SV2C: variants seen among roughly 807,000 people sequenced by gnomAD.
The protein encoded by SV2C is synaptic vesicle glycoprotein 2C.
A neutral mutation model predicts 79.7 loss-of-function variants in SV2C; 49 were observed. The ratio of observed to expected loss-of-function variants is 0.61; its 90% CI spans 0.49 to 0.78. SV2C has a LOEUF of 0.78. Ranked by LOEUF, SV2C falls within the 30% of genes least tolerant of loss-of-function variation. The pLI is 0.00. For synonymous variants in SV2C, 334 were observed against 333.2 expected (o/e 1.00, Z -0.03); for missense variants, 833 against 912.9 (o/e 0.91, Z 1.13).
At chr5:75,921,211 C>T in the SV2C span, 68 of 1,105,414 alleles carry the variant, frequency 6.2e-5, no homozygotes, top group South Asian at 4.6e-4. Flanking sequence ...GGCCAGCAGC[C>T]GAGATGTGGT....
At chr5:75,949,581 C>T in the SV2C span, among the ~76,000 whole-genome samples, 2 of 151,970 alleles carry the variant, frequency 1.3e-5, no homozygotes, top group Admixed American at 6.6e-5. Context: ...GGAAGTTCCC[C>T]CATACTGTTC....
chr5:76,257,208 T>C (rs1023320239), intron 4 of SV2C, among the ~76,000 whole-genome samples: 2 of 152,122 alleles, frequency 1.3e-5, no homozygotes, highest in African/African-American at 4.8e-5. Flanking sequence ...TTTATACTTA[T>C]TGTTGTCACT....
the SV2C span, among the ~76,000 whole-genome samples, chr5:75,957,595 T>C: frequency 1.3e-5 from 2 of 152,024 alleles, no homozygotes; most frequent in Admixed American, 1.3e-4. Context: ...ACAAAGTAAA[T>C]CCAAACTTTC....
the SV2C span, among the ~76,000 whole-genome samples, chr5:75,872,593 A>G: frequency 6.8e-4 from 104 of 152,338 alleles, 2 homozygotes; most frequent in East Asian, 0.016. Context: ...CATATTTTAT[A>G]CAAGTATTGG....
chr5:76,143,713 C>T (rs1312243837), intron 2 of SV2C, among the ~76,000 whole-genome samples: 5 of 152,206 alleles, frequency 3.3e-5, no homozygotes, highest in African/African-American at 1.2e-4. Flanking sequence ...TGCTGGCTTT[C>T]TGCCTTCCTA....
At chr5:75,861,723 C>G in the SV2C span, among the ~76,000 whole-genome samples, 1 of 152,092 alleles carries the variant, frequency 6.6e-6, no homozygotes, top group Non-Finnish European at 1.5e-5. Context: ...GAACAGAAAA[C>G]CAAATACTGC....
chr5:75,968,991 A>G, the SV2C span, among the ~76,000 whole-genome samples: 20 of 152,344 alleles, frequency 1.3e-4, no homozygotes, highest in East Asian at 2.3e-3. Flanking sequence ...CAGAAACTCT[A>G]CAAGCCAGAA....
At chr5:76,275,207 G>A (rs1746986580) in intron 4 of SV2C, among the ~76,000 whole-genome samples, 1 of 152,144 alleles carries the variant, frequency 6.6e-6, no homozygotes, top group Non-Finnish European at 1.5e-5. Flanking sequence ...AGATCAGTAG[G>A]CCAGGTGCAG....
chr5:75,939,608 T>C, the SV2C span, among the ~76,000 whole-genome samples: 1 of 152,200 alleles, frequency 6.6e-6, no homozygotes. Context: ...TTCAAGGTTG[T>C]GCATTTCCTT....
the SV2C span, among the ~76,000 whole-genome samples, chr5:76,002,285 T>G: frequency 6.6e-6 from 1 of 152,172 alleles, no homozygotes; most frequent in African/African-American, 2.4e-5. Flanking sequence ...TGTGTGTGCA[T>G]GTGTCTTTTT....
the SV2C span, among the ~76,000 whole-genome samples, chr5:75,982,905 CT>C: frequency 6.6e-6 from 1 of 152,110 alleles, no homozygotes; most frequent in Non-Finnish European, 1.5e-5. Flanking sequence ...TAAGTGGGAG[CT>C]GAATGATGAG....
chr5:76,185,802 G>C (rs1743897872), intron 2 of SV2C, among the ~76,000 whole-genome samples: 1 of 152,200 alleles, frequency 6.6e-6, no homozygotes, highest in Non-Finnish European at 1.5e-5. Context: ...CATTGTCCTG[G>C]TGATTCAATG....
the SV2C span, among the ~76,000 whole-genome samples, chr5:75,876,746 A>C: frequency 6.6e-6 from 1 of 152,108 alleles, no homozygotes; most frequent in Non-Finnish European, 1.5e-5. Flanking sequence ...TAAGCCAGTA[A>C]ATTTGAAGTG....
the SV2C span, among the ~76,000 whole-genome samples, chr5:75,892,317 T>C: frequency 6.6e-6 from 1 of 152,080 alleles, no homozygotes; most frequent in Non-Finnish European, 1.5e-5. Context: ...GTATACGATG[T>C]GCAGTGATCA....
the SV2C span, among the ~76,000 whole-genome samples, chr5:76,020,752 G>T: frequency 6.6e-6 from 1 of 152,152 alleles, no homozygotes; most frequent in Non-Finnish European, 1.5e-5. Flanking sequence ...TTTTCCAGTG[G>T]AATGTAAGTG....
chr5:76,281,212 A>G, intron 4 of SV2C: 2 of 530,760 alleles, frequency 3.8e-6, no homozygotes, highest in Middle Eastern at 7.7e-4. Flanking sequence ...CAGAAAAGAC[A>G]ACAACAGTGA....
the SV2C span, among the ~76,000 whole-genome samples, chr5:75,859,363 G>A: frequency 6.6e-6 from 1 of 152,096 alleles, no homozygotes; most frequent in African/African-American, 2.4e-5. Flanking sequence ...AAAGTCTCTG[G>A]GAGAAAAACC....
the SV2C span, among the ~76,000 whole-genome samples, chr5:76,009,177 T>C: frequency 2.6e-5 from 4 of 152,338 alleles, no homozygotes; most frequent in African/African-American, 9.6e-5. Flanking sequence ...TCCACATCAC[T>C]AATCATCAGA....
intron 4 of SV2C, among the ~76,000 whole-genome samples, chr5:76,236,518 C>T (rs1051871150): frequency 2.0e-5 from 3 of 151,746 alleles, no homozygotes; most frequent in African/African-American, 7.3e-5. Context: ...TCCAAGATCG[C>T]ATCACTGCAC....
Sources: gnomAD v4.1 joint callset for allele counts (sites outside exome capture counted in the v4.1 genomes callset) on GRCh38, gnomAD v4.1.1 for gene constraint, MANE v1.5 for transcripts, NCBI Gene and HGNC (gene_info 2026-07-23, HGNC 2026-07-21) for gene names.